Variants in MAGI2 observed in about 807,000 individuals in gnomAD.
MAGI2 encodes membrane associated guanylate kinase, WW and PDZ domain containing 2.
MAGI2 carries 35 observed loss-of-function variants against 133.3 expected under a neutral mutation model. The observed-to-expected ratio is 0.26, with a 90% CI of 0.20 to 0.35. MAGI2 has a LOEUF of 0.35. MAGI2 is among the 10% of genes least tolerant of loss of function. MAGI2 has a pLI of 1.00. For missense variants in MAGI2, 1,636 were observed against 1,863.4 expected, an observed-to-expected ratio of 0.88 and a Z score of 2.25; for synonymous variants, 729 against 710.6, an observed-to-expected ratio of 1.03 and a Z score of -0.41.
chr7:78,145,828 G>T (rs147850900), intron 16 of MAGI2, among the ~76,000 whole-genome samples: 2 of 152,056 alleles, frequency 1.3e-5, no homozygotes, highest in Admixed American at 1.3e-4. Context: ...GAGAGCTCTG[G>T]TCTTTTCATC....
Position 78,573,273 on chromosome 7 carries a change from A to AATATATATATATATTTATATATAAAT in MAGI2, c.539-51629_539-51628insATTTATATATAAATATATATATATAT, listed in dbSNP as rs369851566. Among the ~76,000 whole-genome samples, 6 of 51,682 alleles carry AATATATATATATATTTATATATAAAT rather than the reference A, an allele frequency of 1.2e-4. No individual in the cohort carries two copies. In the Admixed American group the frequency reaches 2.2e-3, roughly 19 times the overall value. The allele number at this position is 51,682 out of a possible 152,430, so 33.9% of individuals were successfully genotyped here. On this transcript the variant is annotated intron_variant, in intron 3 of 21. Transcript: ENST00000354212. ...ATATATATAAATATAAATATATATA[A>AATATATATATATATTTATATATAAAT]ATATATATATTTATATAAATATATA...
intron 3 of MAGI2, among the ~76,000 whole-genome samples, chr7:78,606,448 G>A (rs879343992): frequency 1.3e-5 from 2 of 151,808 alleles, no homozygotes; most frequent in African/African-American, 2.4e-5. Context: ...AAAGGTGAAA[G>A]AGACTAGTCA....
chr7:79,119,398 G>A (rs1819688463), intron 1 of MAGI2, among the ~76,000 whole-genome samples: 1 of 152,092 alleles, frequency 6.6e-6, no homozygotes, highest in African/African-American at 2.4e-5. Flanking sequence ...CATCAACCAT[G>A]CTCTTGAGAA....
chr7:79,199,833 T>C (rs1245034259), intron 1 of MAGI2, among the ~76,000 whole-genome samples: 1 of 151,964 alleles, frequency 6.6e-6, no homozygotes, highest in African/African-American at 2.4e-5. Flanking sequence ...GATTTTGGAC[T>C]CATTTCTGCA....
At chr7:78,497,313 A>C (rs1405757007) in intron 5 of MAGI2, among the ~76,000 whole-genome samples, 1 of 152,180 alleles carries the variant, frequency 6.6e-6, no homozygotes, top group Non-Finnish European at 1.5e-5. Context: ...ATGCTGCATA[A>C]AAATATTTTC....
intron 2 of MAGI2, among the ~76,000 whole-genome samples, chr7:78,895,593 G>A (rs929373655): frequency 3.9e-5 from 6 of 152,214 alleles, no homozygotes; most frequent in African/African-American, 7.2e-5. Flanking sequence ...CCCACATCTC[G>A]TGATGCATTT....
At position 79,077,594 on chromosome 7, in the gene MAGI2, AATAAATAAAT is replaced by A. The variant is rs1353300630; in HGVS notation, c.302-70398_302-70389del. On this transcript the variant is annotated intron_variant, in intron 1 of 21. Coordinates refer to ENST00000354212, the MANE Select transcript of MAGI2 (RefSeq NM_012301.4). Reference sequence around the variant, plus strand: ...CCTCTCAAAAAAAAAAAAAAAAAAAAATAAATAAATAAATAAATTCCCTTTTGCTTAACTA... The same window carrying A: ...CCTCTCAAAAAAAAAAAAAAAAAAAAAAATAAATTCCCTTTTGCTTAACTA... 1.8e-3 allele frequency among the ~76,000 whole-genome samples: 95 copies of A among 53,672 alleles called. 15 individuals carry two copies. Among genetic ancestry groups the A allele is most frequent in the African/African-American group, 3.3e-3 (60 of 18,408 alleles). The allele number at this position is 53,672 out of a possible 152,430, so 35.2% of individuals were successfully genotyped here.
intron 1 of MAGI2, among the ~76,000 whole-genome samples, chr7:79,305,486 T>C (rs1837717001): frequency 1.3e-5 from 2 of 152,216 alleles, no homozygotes; most frequent in African/African-American, 4.8e-5. Flanking sequence ...ACAATGTTTA[T>C]CTATTCTTAT....
intron 21 of MAGI2, among the ~76,000 whole-genome samples, chr7:78,070,924 C>G (rs1156683635): frequency 6.6e-6 from 1 of 151,972 alleles, no homozygotes; most frequent in African/African-American, 2.4e-5. Context: ...CCACTCACCT[C>G]GGCCTCCCAA....
At chr7:78,219,374 GTCTA>G (rs1156848835) in intron 10 of MAGI2, among the ~76,000 whole-genome samples, 2 of 152,166 alleles carry the variant, frequency 1.3e-5, no homozygotes, top group African/African-American at 4.8e-5. Flanking sequence ...GCCCAGCACT[GTCTA>G]TCTGGACAGC....
chr7:78,128,563 G>T (rs1176195723), intron 18 of MAGI2, among the ~76,000 whole-genome samples: 1 of 151,984 alleles, frequency 6.6e-6, no homozygotes. Context: ...CTTTAAAAGA[G>T]TCTGGATTTT....
chr7:78,833,959 C>T (rs1213092272), intron 2 of MAGI2, among the ~76,000 whole-genome samples: 1 of 152,136 alleles, frequency 6.6e-6, no homozygotes. Context: ...AGCCAGAAAT[C>T]ATTTTACTAA....
At chr7:78,676,499 TCTC>T (rs2151085079) in intron 2 of MAGI2, among the ~76,000 whole-genome samples, 1 of 152,204 alleles carries the variant, frequency 6.6e-6, no homozygotes, top group South Asian at 2.1e-4. Context: ...CAAAATTAAT[TCTC>T]CTCTAAAACT....
chr7:79,125,927 C>G (rs1426384440), intron 1 of MAGI2, among the ~76,000 whole-genome samples: 4 of 152,300 alleles, frequency 2.6e-5, no homozygotes, highest in Non-Finnish European at 5.9e-5. Context: ...GGTGGCAGTG[C>G]CTAGCTGCTA....
At chr7:78,101,397 C>T (rs1297941168) in intron 20 of MAGI2, among the ~76,000 whole-genome samples, 1 of 152,068 alleles carries the variant, frequency 6.6e-6, no homozygotes, top group Non-Finnish European at 1.5e-5. Context: ...TAAACTCATG[C>T]ATATGGGGTC....
At chr7:78,193,242 G>A (rs928125192) in intron 12 of MAGI2, among the ~76,000 whole-genome samples, 40 of 152,322 alleles carry the variant, frequency 2.6e-4, no homozygotes, top group African/African-American at 8.9e-4. Context: ...AAAGATGGAA[G>A]TGAATGATGA....
chr7:78,970,377 T>G (rs1803685654), intron 2 of MAGI2, among the ~76,000 whole-genome samples: 1 of 152,074 alleles, frequency 6.6e-6, no homozygotes, highest in African/African-American at 2.4e-5. Context: ...TTTTGCTTGA[T>G]AAATATCTCT....
chr7:78,157,024 T>A (rs17149367), intron 16 of MAGI2, among the ~76,000 whole-genome samples: 18,482 of 152,192 alleles, frequency 0.12, 1,147 homozygotes, highest in East Asian at 0.17. Flanking sequence ...ACCAGGGATA[T>A]GTGGCACAAG....
At chr7:78,952,656 G>T (rs1801966000) in intron 2 of MAGI2, among the ~76,000 whole-genome samples, 1 of 152,106 alleles carries the variant, frequency 6.6e-6, no homozygotes, top group Non-Finnish European at 1.5e-5. Flanking sequence ...TAACTATGAA[G>T]AAAAGACTCA....
Sources: allele counts gnomAD v4.1 joint callset (sites outside exome capture counted in the v4.1 genomes callset), GRCh38; gene constraint gnomAD v4.1.1; transcripts MANE v1.5; gene names NCBI Gene and HGNC (gene_info 2026-07-23, HGNC 2026-07-21).